PDE4A: variants seen among roughly 807,000 people sequenced by gnomAD.
The protein encoded by PDE4A is 3',5'-cyclic-AMP phosphodiesterase 4A.
PDE4A carries 21 observed loss-of-function variants against 73.9 expected under a neutral mutation model. That is an observed-to-expected ratio of 0.28 (90% CI 0.20 to 0.41). The LOEUF (loss-of-function observed/expected upper bound fraction) is 0.41. PDE4A is among the 10% of genes least tolerant of loss of function. The pLI is 1.00. For synonymous variants in PDE4A, 463 were observed against 505.4 expected (o/e 0.92, Z 1.13); for missense variants, 958 against 1,211.4 (o/e 0.79, Z 3.10).
At chr19:10,451,005 C>T (rs2043081978) in intron 6 of PDE4A, 64 bp downstream of exon 6, 1 of 1,475,840 alleles carries the variant, frequency 6.8e-7, no homozygotes, top group Non-Finnish European at 9.2e-7. Context: ...TGGGTAGAGC[C>T]AACCGCTGGA....
chr19:10,460,872 A>G (rs2043252529), intron 10 of PDE4A, 132 bp from the exon 11 acceptor site: 1 of 875,674 alleles, frequency 1.1e-6, no homozygotes, highest in Non-Finnish European at 1.6e-6. Flanking sequence ...ATGGCCTCGA[A>G]CTTCTGGCCT....
intron 1 of PDE4A, among the ~76,000 whole-genome samples, chr19:10,439,977 A>G (rs1226681507): frequency 2.3e-5 from 3 of 130,916 alleles, no homozygotes; most frequent in Non-Finnish European, 3.2e-5. Context: ...GTGACATGGT[A>G]TCTCCTTTTT....
chr19:10,432,878 G>A (rs1355690730), intron 1 of PDE4A, among the ~76,000 whole-genome samples: 2 of 152,116 alleles, frequency 1.3e-5, no homozygotes, highest in Non-Finnish European at 2.9e-5. Context: ...GGTGTCCAGC[G>A]TCACCTGGGC....
At chr19:10,426,492 C>A (rs1046315744) in intron 1 of PDE4A, among the ~76,000 whole-genome samples, 2 of 152,036 alleles carry the variant, frequency 1.3e-5, no homozygotes, top group African/African-American at 4.8e-5. Context: ...CAGTGTGGCC[C>A]AGGGATGCCA....
In PDE4A at chr19:10,420,986, C is replaced by A. The variant is rs1261038725; in HGVS notation, c.222C>A (p.Ser74Arg). 6 of 1,536,622 alleles carry A rather than the reference C, an allele frequency of 3.9e-6. No homozygotes were observed. The East Asian group carries it at 1.5e-4, about 39-fold the overall frequency. ...PIERADAMDT[S>R]DRPGLRTTRM... ...AGCGCGCCGATGCCATGGACACCAG[C>A]GACCGGCCCGGCCTGCGCACGACCC... Residue 74 changes from serine (S) to arginine (R), a missense_variant, in exon 1 of 15, where the codon AGC (serine) becomes AGA (arginine). Ser to Arg is a moderately radical substitution (Grantham distance 110). Coordinates refer to ENST00000380702, the MANE Select transcript of PDE4A (RefSeq NM_001111307.2). This position sits in a 1 kb window ranked among gnomAD's most constrained non-coding sequence, Gnocchi z 6.0.
rs35022243 is a variant in PDE4A at position 10,435,561 on chromosome 19, AAC to A, written c.321-10627_321-10626del. On this transcript the variant is annotated intron_variant, in intron 1 of 14. Transcript: ENST00000380702. Reference sequence around the variant, plus strand: ...GGGTGACAGAGCAAGACCCTGTATCAACACACACACACACACACACACACACA... The same window carrying A: ...GGGTGACAGAGCAAGACCCTGTATCAACACACACACACACACACACACACA... 7.9e-3 allele frequency among the ~76,000 whole-genome samples: 1,143 copies of A among 144,690 alleles called. 9 individuals are homozygous for A. The highest frequency in any genetic ancestry group is 0.019 in the African/African-American group (744 of 39,244). 94.9% of individuals were successfully genotyped at this position (144,690 alleles called of 152,430 possible).
chr19:10,433,210 C>T (rs995217988), intron 1 of PDE4A, among the ~76,000 whole-genome samples: 1 of 152,090 alleles, frequency 6.6e-6, no homozygotes, highest in African/African-American at 2.4e-5. Context: ...CTGGTGTTTA[C>T]CGTACTAGGT....
chr19:10,421,800 G>A (rs2042655157), intron 1 of PDE4A, among the ~76,000 whole-genome samples: 1 of 152,210 alleles, frequency 6.6e-6, no homozygotes, highest in Non-Finnish European at 1.5e-5. Flanking sequence ...TAGTGAGGGT[G>A]CATGTGTGTT....
chr19:10,465,059 A>C (rs893415387), intron 14 of PDE4A, among the ~76,000 whole-genome samples: 6 of 151,486 alleles, frequency 4.0e-5, no homozygotes, highest in African/African-American at 1.5e-4. Flanking sequence ...CAACCATCTG[A>C]GTTTGATGTC....
At chr19:10,431,042 C>G in intron 1 of PDE4A, 1 of 1,577,438 alleles carries the variant, frequency 6.3e-7, no homozygotes. Context: ...TTCGGCTTCT[C>G]CGCAGCTGCC....
chr19:10,427,157 G>A (rs1278971646), intron 1 of PDE4A, among the ~76,000 whole-genome samples: 1 of 152,096 alleles, frequency 6.6e-6, no homozygotes, highest in Non-Finnish European at 1.5e-5. Context: ...AAAATTAGCT[G>A]GGCGCAGTGG....
rs779515986 is a variant in PDE4A, at chr19:10,463,981, G to A, written c.1926+6G>A. ...CCTCCGTGGAGAAGTCTCAGGTACA[G>A]GCTCGGGGCATTGATGGACGGGCAC... On this transcript the variant is annotated splice_donor_region_variant and intron_variant, in intron 14 of 14. Coordinates refer to ENST00000380702, the MANE Select transcript of PDE4A (RefSeq NM_001111307.2). 2 of 1,613,976 alleles carry A rather than the reference G, an allele frequency of 1.2e-6. No individual in the cohort carries two copies. Among genetic ancestry groups the A allele is most frequent in the African/African-American group, 1.3e-5 (1 of 74,934 alleles).
Position 10,453,077 on chromosome 19 carries a change from C to A in PDE4A, c.784-1752C>A. The A allele has an allele frequency of 1.5e-6, 2 of 1,343,502 alleles. No homozygotes were observed. Among genetic ancestry groups the A allele is most frequent in the South Asian group, 1.8e-5 (1 of 55,438 alleles). 83.2% of individuals were successfully genotyped at this position (1,343,502 alleles called of 1,614,324 possible). ...GCCCAGGGCTGGCGGGCCATGTAACCAGGGCTGCTGCTGGGAGCGCGGAGG... is the reference window on the plus strand; with the variant it reads ...GCCCAGGGCTGGCGGGCCATGTAACAAGGGCTGCTGCTGGGAGCGCGGAGG... On this transcript the variant is annotated intron_variant, in intron 6 of 14. Transcript: ENST00000380702. The surrounding 1 kb of genome is among the most constrained non-coding windows in gnomAD (Gnocchi z 4.6).
At chr19:10,444,251 A>G (rs891691263) in intron 1 of PDE4A, among the ~76,000 whole-genome samples, 5 of 152,002 alleles carry the variant, frequency 3.3e-5, no homozygotes, top group African/African-American at 1.2e-4. Context: ...ATGGTGGCCC[A>G]CACCTGTAAT....
At chr19:10,438,488 C>T (rs755869810) in intron 1 of PDE4A, among the ~76,000 whole-genome samples, 1 of 152,142 alleles carries the variant, frequency 6.6e-6, no homozygotes, top group Non-Finnish European at 1.5e-5. Context: ...CGCTGGCACC[C>T]ACTCTTCTAC....
At chr19:10,419,664 C>G (rs1289595409), upstream of PDE4A, 1 of 152,704 alleles carries the variant, frequency 6.5e-6, no homozygotes, top group Non-Finnish European at 1.5e-5. Context: ...GCCGACCACA[C>G]ACATACACTC....
At chr19:10,452,202 G>A (rs1240133325) in intron 6 of PDE4A, among the ~76,000 whole-genome samples, 1 of 151,920 alleles carries the variant, frequency 6.6e-6, no homozygotes, top group Admixed American at 6.6e-5. Context: ...TGGCTGGGGA[G>A]GCCAAGGCGG....
chr19:10,416,857 G>A, upstream of PDE4A: 6 of 1,533,774 alleles, frequency 3.9e-6, no homozygotes, highest in Non-Finnish European at 3.5e-6. Context: ...GGCACTGATG[G>A]CAGATGCGTT....
intron 1 of PDE4A, among the ~76,000 whole-genome samples, chr19:10,434,598 T>C (rs2042839793): frequency 6.6e-6 from 1 of 150,492 alleles, no homozygotes; most frequent in Admixed American, 6.6e-5. Flanking sequence ...TTTGTTTTTT[T>C]TTTCTTTCTT....
Sources: gnomAD v4.1 joint callset for allele counts (sites outside exome capture counted in the v4.1 genomes callset) on GRCh38, gnomAD v4.1.1 for gene constraint, Gnocchi (gnomAD v3.1) non-coding constraint, MANE v1.5 for transcripts, NCBI Gene and HGNC (gene_info 2026-07-23, HGNC 2026-07-21) for gene names.